CHPT1: variants seen among roughly 807,000 people sequenced by gnomAD.
The protein encoded by CHPT1 is choline phosphotransferase 1.
CHPT1 carries 36 observed loss-of-function variants against 47.6 expected under a neutral mutation model. That is an observed-to-expected ratio of 0.76 (90% CI 0.58 to 1.00). The LOEUF (loss-of-function observed/expected upper bound fraction) is 1.00, where lower values mean the gene tolerates loss of function less well. Ranked by LOEUF, CHPT1 falls within the 50% of genes least tolerant of loss-of-function variation. The pLI is 0.00. For missense variants in CHPT1, 458 were observed against 498.1 expected, an observed-to-expected ratio of 0.92 and a Z score of 0.77; for synonymous variants, 194 against 186.3, an observed-to-expected ratio of 1.04 and a Z score of -0.33.
chr12:101,697,893 C>G lies in CHPT1; in HGVS notation c.32C>G (p.Pro11Arg). 7.9e-7 allele frequency: 1 copy of G among 1,258,420 alleles called. No homozygotes were observed. Among genetic ancestry groups the G allele is most frequent in the South Asian group, 2.8e-5 (1 of 35,750 alleles). The allele number at this position is 1,258,420 out of a possible 1,614,324, so 78.0% of individuals were successfully genotyped here. A position where few individuals can be genotyped will look rare whatever the true frequency, so the allele number is the denominator to read the frequency against. MAAGAGAGSA[P>R]RWLRALSEPL... is the part of the protein sequence containing the mutation. ...GCAGGCGCCGGGGCCGGGTCCGCGCCGCGCTGGCTGAGGGCGCTGAGCGAG... is the reference window on the plus strand; with the variant it reads ...GCAGGCGCCGGGGCCGGGTCCGCGCGGCGCTGGCTGAGGGCGCTGAGCGAG... The change falls in exon 1 of 9, where the codon CCG becomes CGG. Residue 11 changes from proline (P) to arginine (R), a missense_variant. Pro to Arg is a moderately radical substitution (Grantham distance 103, BLOSUM62 -2). Transcript: ENST00000229266.
rs749553773 is a variant in CHPT1 at position 101,698,154 on chromosome 12, C to G, written c.273+20C>G. 9.1e-6 allele frequency: 13 copies of G among 1,436,294 alleles called. No individual in the cohort carries two copies. The highest frequency in any genetic ancestry group is 1.0e-5 in the Non-Finnish European group (11 of 1,093,396). The allele number at this position is 1,436,294 out of a possible 1,614,324, so 89.0% of individuals were successfully genotyped here. A position where few individuals can be genotyped will look rare whatever the true frequency, so the allele number is the denominator to read the frequency against. ...GAAGAGGTAGGGCTGGCCGATCGCC[C>G]GAGCCGGGCCCCAGATGCGCTGCGG... On this transcript the variant is annotated intron_variant, in intron 1 of 8. Coordinates refer to ENST00000229266, the MANE Select transcript of CHPT1 (RefSeq NM_020244.3).
At chr12:101,725,628 A>AC (rs1294367027) in intron 7 of CHPT1, among the ~76,000 whole-genome samples, 156 of 145,120 alleles carry the variant, frequency 1.1e-3, no homozygotes, top group East Asian at 7.4e-3. Context: ...GATGACAAAA[A>AC]AAAAAAAAAA....
Position 101,714,683 on chromosome 12 carries a change from A to G in CHPT1, c.563+38A>G, listed in dbSNP as rs149955743. ...TTTAAGTTGTACATTAAAAAATATAATTGAATTCATTTGCACAATCTGTTA... is the reference window on the plus strand; with the variant it reads ...TTTAAGTTGTACATTAAAAAATATAGTTGAATTCATTTGCACAATCTGTTA... On this transcript the variant is annotated intron_variant, in intron 3 of 8. Coordinates refer to ENST00000229266, the MANE Select transcript of CHPT1 (RefSeq NM_020244.3). The G allele has an allele frequency of 3.2e-3, 4,978 of 1,564,248 alleles. 34 individuals carry two copies. Among genetic ancestry groups the G allele is most frequent in the South Asian group, 0.017 (1,397 of 84,100 alleles).
intron 1 of CHPT1, among the ~76,000 whole-genome samples, chr12:101,712,474 TTTC>T (rs2137012457): frequency 6.7e-6 from 1 of 148,930 alleles, no homozygotes; most frequent in African/African-American, 2.4e-5. Context: ...TCATCATTTA[TTTC>T]TTCTTATATT....
chr12:101,719,748 T>C (rs1871319229), intron 4 of CHPT1: 1 of 244,794 alleles, frequency 4.1e-6, no homozygotes, highest in Admixed American at 5.4e-5. Context: ...CAGACTAAGC[T>C]GGTTTGGTGG....
intron 8 of CHPT1, chr12:101,728,178 A>T (rs1252432603): frequency 6.6e-6 from 1 of 152,418 alleles, no homozygotes; most frequent in Non-Finnish European, 1.5e-5. Flanking sequence ...TGAACCTGGG[A>T]GGCGGAGGTT....
chr12:101,713,687 A>AATCTAGTAGCAAATCTAGAGC (rs143560673), intron 1 of CHPT1, among the ~76,000 whole-genome samples: 1 of 152,030 alleles, frequency 6.6e-6, no homozygotes, highest in Admixed American at 6.6e-5. Context: ...TGGGAGAGCA[A>AATCTAGTAGCAAATCTAGAGC]ATCTAGTCCC....
chr12:101,714,312 T>C, intron 2 of CHPT1, 75 bp downstream of exon 2: 2 of 1,353,790 alleles, frequency 1.5e-6, no homozygotes, highest in Non-Finnish European at 2.0e-6. Context: ...GTCAGTTTTT[T>C]GGATGGATAT....
At chr12:101,710,176 C>T (rs1034328006) in intron 1 of CHPT1, among the ~76,000 whole-genome samples, 10 of 148,358 alleles carry the variant, frequency 6.7e-5, no homozygotes, top group Middle Eastern at 3.6e-3. Flanking sequence ...AAAACCCTGT[C>T]TCTACCAAAA....
intron 3 of CHPT1, 154 bp downstream of exon 3, chr12:101,714,799 T>TTTAGGTACTC (rs1163103391): frequency 5.0e-6 from 3 of 597,060 alleles, no homozygotes; most frequent in Non-Finnish European, 8.0e-6. Context: ...CCTTAAGTCT[T>TTTAGGTACTC]TTAGGTACTC....
At chr12:101,724,673 T>C (rs1338319634) in intron 7 of CHPT1, among the ~76,000 whole-genome samples, 1 of 152,194 alleles carries the variant, frequency 6.6e-6, no homozygotes, top group Non-Finnish European at 1.5e-5. Context: ...TAGTGTATAA[T>C]TTGTATTAAT....
At chr12:101,715,003 C>G (rs1316928839) in intron 3 of CHPT1, 1 of 156,330 alleles carries the variant, frequency 6.4e-6, no homozygotes, top group Non-Finnish European at 1.4e-5. Context: ...AGTGTGGAGT[C>G]TAAGGTCCTT....
At chr12:101,705,148 T>C (rs1359016625) in intron 1 of CHPT1, among the ~76,000 whole-genome samples, 17 of 135,626 alleles carry the variant, frequency 1.3e-4, no homozygotes, top group South Asian at 6.7e-4. Flanking sequence ...ACTGCAACCT[T>C]GGCCTACTGT....
rs559674074 is a variant in CHPT1 at position 101,709,895 on chromosome 12, A to C, written c.274-4195A>C. Among the ~76,000 whole-genome samples, 3 of 148,952 alleles carry C rather than the reference A, an allele frequency of 2.0e-5. 1 individual carries two copies. The highest frequency in any genetic ancestry group is 1.4e-4 in the Admixed American group (2 of 14,662). ...TAAATCTCATCGAAGGGCAAGTCGG[A>C]AGACCCGATCTAGTTCCTGGACCCA... On this transcript the variant is annotated intron_variant, in intron 1 of 8. Transcript: ENST00000229266.
chr12:101,714,302 G>A (rs1951733746), intron 2 of CHPT1, 65 bp downstream of exon 2: 1 of 1,434,664 alleles, frequency 7.0e-7, no homozygotes, highest in Admixed American at 2.4e-5. Flanking sequence ...GAGCTGTTTG[G>A]TCAGTTTTTT....
chr12:101,708,463 G>A (rs1951661281), intron 1 of CHPT1, among the ~76,000 whole-genome samples: 1 of 151,688 alleles, frequency 6.6e-6, no homozygotes, highest in Non-Finnish European at 1.5e-5. Context: ...CTTAAATTAT[G>A]ATATAGCCAC....
chr12:101,714,606 A>G lies in CHPT1; in HGVS notation c.524A>G (p.His175Arg), dbSNP rs1227464324. The G allele has an allele frequency of 2.5e-6, 4 of 1,610,748 alleles. No homozygotes were observed. The highest frequency in any genetic ancestry group is 1.7e-5 in the Admixed American group (1 of 59,378). Residue 175 changes from histidine to arginine, a missense_variant, in exon 3 of 9, where the codon CAT (histidine) becomes CGT (arginine). By Grantham distance (29) the His-to-Arg change is conservative. Coordinates refer to ENST00000229266, the MANE Select transcript of CHPT1 (RefSeq NM_020244.3). ...GGGATGTTTGTGTTTTATTGCGCTC[A>G]TTGGCAGACTTATGTTTCAGGCATG... ...FIGMFVFYCA[H>R]WQTYVSGMLR...
intron 7 of CHPT1, among the ~76,000 whole-genome samples, chr12:101,725,175 A>G (rs939188582): frequency 2.6e-5 from 4 of 152,128 alleles, no homozygotes; most frequent in Admixed American, 6.5e-5. Flanking sequence ...TAGGTTGTGT[A>G]GTATGCTTTT....
Position 101,716,722 on chromosome 12 carries a change from C to T in CHPT1, c.564-6C>T, listed in dbSNP as rs372662246. 2 of 1,586,946 alleles carry T rather than the reference C, an allele frequency of 1.3e-6. No homozygotes were observed. The highest frequency in any genetic ancestry group is 1.4e-5 in the African/African-American group (1 of 73,938). On this transcript the variant is annotated splice_polypyrimidine_tract_variant and splice_region_variant and intron_variant, in intron 3 of 8. Transcript: ENST00000229266. ...ACCTTATCTATTCTTTGTCCTTCCTCTTTAGAGTGGATGTAACTGAAATTC... is the reference window on the plus strand; with the variant it reads ...ACCTTATCTATTCTTTGTCCTTCCTTTTTAGAGTGGATGTAACTGAAATTC...
Sources: allele counts gnomAD v4.1 joint callset (sites outside exome capture counted in the v4.1 genomes callset), GRCh38; gene constraint gnomAD v4.1.1; transcripts MANE v1.5; gene names NCBI Gene and HGNC (gene_info 2026-07-23, HGNC 2026-07-21).